The following CD300LD variants were observed in gnomAD, a reference collection of about 807,000 sequenced individuals.
CD300LD encodes CMRF35-like molecule 5.
A neutral mutation model predicts 20.3 loss-of-function variants in CD300LD; 18 were observed. The observed-to-expected ratio is 0.89, with a 90% CI of 0.61 to 1.32. CD300LD has a LOEUF of 1.32. Ranked by LOEUF, CD300LD falls within the 40% of genes most tolerant of loss-of-function variation. The pLI, the probability that CD300LD is intolerant of heterozygous loss-of-function variation, is 0.00. For synonymous variants in CD300LD, 104 were observed against 90.1 expected (o/e 1.15, Z -0.87); for missense variants, 195 against 226.6 (o/e 0.86, Z 0.90).
intron 1 of CD300LD, chr17:74,591,936 C>A: frequency 7.8e-7 from 1 of 1,287,236 alleles, no homozygotes; most frequent in Non-Finnish European, 1.1e-6. Flanking sequence ...ACCACTGTTC[C>A]AACAAGAAGC....
In CD300LD at chr17:74,588,738, C is replaced by T. The variant is rs199533935; in HGVS notation, c.152G>A (p.Trp51Ter). ...YGSGWETYLK[W>*]RCQGADWNYC... ...ATTCCAATCAGCTCCTTGACACCGC[C>T]ACTTCAAGTAGGTCTCCCAGCCTGA... The change falls in exon 2 of 4, where the codon TGG becomes TAG. Residue 51 changes from tryptophan to a stop codon, truncating the protein, a stop_gained. Coordinates refer to ENST00000375352, the MANE Select transcript of CD300LD (RefSeq NM_001115152.2). LOFTEE classifies it high-confidence loss of function. The T allele has an allele frequency of 1.4e-5, 23 of 1,614,196 alleles. No homozygotes were observed. The East Asian group carries it at 4.7e-4, about 33-fold the overall frequency.
chr17:74,580,997 G>C (rs1220729522), intron 3 of CD300LD, among the ~76,000 whole-genome samples: 1 of 151,908 alleles, frequency 6.6e-6, no homozygotes. Context: ...GAGGGTATTT[G>C]GGGGAGATGG....
Position 74,588,683 on chromosome 17 carries a change from T to C in CD300LD, c.207A>G (p.Gly69=). ...NYCNILVKTN[G]SEQEVKKNRV... ...GATTCTTCTTTACCTCCTGCTCTGATCCATTTGTTTTAACAAGGATGTTAC... is the reference window on the plus strand; with the variant it reads ...GATTCTTCTTTACCTCCTGCTCTGACCCATTTGTTTTAACAAGGATGTTAC... Residue 69 remains glycine, a synonymous_variant, in exon 2 of 4, where the codon GGA becomes GGG. Coordinates refer to ENST00000375352, the MANE Select transcript of CD300LD (RefSeq NM_001115152.2). 6.2e-7 allele frequency: 1 copy of C among 1,614,216 alleles called. No homozygotes were observed. Among genetic ancestry groups the C allele is most frequent in the Non-Finnish European group, 8.5e-7 (1 of 1,180,040 alleles).
intron 2 of CD300LD, among the ~76,000 whole-genome samples, chr17:74,583,628 C>A (rs1459406116): frequency 6.6e-6 from 1 of 152,134 alleles, no homozygotes; most frequent in Non-Finnish European, 1.5e-5. Context: ...TAAATGGAAT[C>A]ATACAGTGTA....
At position 74,592,249 on chromosome 17, in the gene CD300LD, C is replaced by T. The variant is rs141433413; in HGVS notation, c.-47G>A. On this transcript the variant is annotated 5_prime_UTR_variant, in exon 1 of 4. Transcript: ENST00000375352. ...CTTGGTGATCACAGGTGTCTGGTGCCCTTCAGGGACTTGAATCCAAGCTCG... is the reference window on the plus strand; with the variant it reads ...CTTGGTGATCACAGGTGTCTGGTGCTCTTCAGGGACTTGAATCCAAGCTCG... 1.2e-6 allele frequency: 2 copies of T among 1,613,952 alleles called. No individual in the cohort carries two copies. Among genetic ancestry groups the T allele is most frequent in the Non-Finnish European group, 1.7e-6 (2 of 1,179,984 alleles).
intron 1 of CD300LD, among the ~76,000 whole-genome samples, chr17:74,589,127 AG>A (rs2030245818): frequency 6.6e-6 from 1 of 152,206 alleles, no homozygotes; most frequent in Admixed American, 6.5e-5. Context: ...CCCTATGGCC[AG>A]CAAATCTTTA....
At chr17:74,591,435 T>G (rs923819486) in intron 1 of CD300LD, among the ~76,000 whole-genome samples, 3 of 152,136 alleles carry the variant, frequency 2.0e-5, no homozygotes, top group African/African-American at 7.2e-5. Context: ...TTTGTTGACA[T>G]GACAGCCAAA....
intron 1 of CD300LD, among the ~76,000 whole-genome samples, chr17:74,591,711 G>GA (rs1164236632): frequency 1.3e-5 from 2 of 149,688 alleles, no homozygotes; most frequent in African/African-American, 4.9e-5. Flanking sequence ...ATGCAGCCAT[G>GA]AAAAAGAATG....
chr17:74,580,439 C>T lies in CD300LD; in HGVS notation c.474-326G>A, dbSNP rs544548431. 7.2e-5 allele frequency among the ~76,000 whole-genome samples: 11 copies of T among 152,368 alleles called. No individual in the cohort carries two copies. The East Asian group carries it at 2.1e-3, about 29-fold the overall frequency. On this transcript the variant is annotated intron_variant, in intron 3 of 3. Transcript: ENST00000375352. ...CTGTCTCTACTTACCTCGGCTTCTG[C>T]TGCATTCTGCACCCAGAGGGCCTCT...
intron 1 of CD300LD, 135 bp downstream of exon 1, chr17:74,592,028 T>C: frequency 6.3e-7 from 1 of 1,578,200 alleles, no homozygotes; most frequent in Non-Finnish European, 8.6e-7. Flanking sequence ...TGATTGCTAT[T>C]TAATGAATAT....
rs2030036830 is a variant in CD300LD, at chr17:74,581,534, C to T, written c.473+684G>A. On this transcript the variant is annotated intron_variant, in intron 3 of 3. Coordinates refer to ENST00000375352, the MANE Select transcript of CD300LD (RefSeq NM_001115152.2). ...CAGACTAATCCTCCAGACCCCTCTGCCAGCTTGGGAGGGTGAGAACGCCAA... is the reference window on the plus strand; with the variant it reads ...CAGACTAATCCTCCAGACCCCTCTGTCAGCTTGGGAGGGTGAGAACGCCAA... Among the ~76,000 whole-genome samples the T allele has an allele frequency of 2.6e-5, 4 of 152,364 alleles. 1 individual carries two copies. The South Asian group carries it at 8.3e-4, about 32-fold the overall frequency.
At chr17:74,590,262 T>C (rs2030275657) in intron 1 of CD300LD, among the ~76,000 whole-genome samples, 1 of 152,158 alleles carries the variant, frequency 6.6e-6, no homozygotes, top group East Asian at 1.9e-4. Context: ...TCCACCATGA[T>C]TGTGAGGCCT....
rs150997282 is a variant in CD300LD at position 74,581,725 on chromosome 17, C to T, written c.473+493G>A. 7.2e-3 allele frequency among the ~76,000 whole-genome samples: 1,101 copies of T among 152,306 alleles called. 11 individuals are homozygous for T. Among genetic ancestry groups the T allele is most frequent in the African/African-American group, 0.025 (1,044 of 41,576 alleles). Reference sequence around the variant, plus strand: ...CCAAACCTCGATATGCCCTCTTGACCCCAGGAGGTGGGGAGGGCATGTTCA... The same window carrying T: ...CCAAACCTCGATATGCCCTCTTGACTCCAGGAGGTGGGGAGGGCATGTTCA... On this transcript the variant is annotated intron_variant, in intron 3 of 3. Coordinates refer to ENST00000375352, the MANE Select transcript of CD300LD (RefSeq NM_001115152.2).
chr17:74,590,001 A>G (rs1471625892), intron 1 of CD300LD, among the ~76,000 whole-genome samples: 1 of 152,014 alleles, frequency 6.6e-6, no homozygotes, highest in Non-Finnish European at 1.5e-5. Flanking sequence ...GGGCAAATTA[A>G]CCTCTCTGTG....
intron 3 of CD300LD, among the ~76,000 whole-genome samples, chr17:74,581,378 C>T (rs1386208829): frequency 3.3e-5 from 5 of 152,238 alleles, no homozygotes; most frequent in South Asian, 4.2e-4. Flanking sequence ...AGGAGCAGGA[C>T]GGTCTGTGGT....
In CD300LD at chr17:74,582,206, G is replaced by A. The variant is rs1384436219; in HGVS notation, c.473+12C>T. ...GGCCTGTGCGAAAGTGGTGGGACCTGGCTCCACCTACCTGGTGAGGGGGCT... is the reference window on the plus strand; with the variant it reads ...GGCCTGTGCGAAAGTGGTGGGACCTAGCTCCACCTACCTGGTGAGGGGGCT... On this transcript the variant is annotated intron_variant, in intron 3 of 3. Coordinates refer to ENST00000375352, the MANE Select transcript of CD300LD (RefSeq NM_001115152.2). 4 of 1,612,838 alleles carry A rather than the reference G, an allele frequency of 2.5e-6. No homozygotes were observed. The highest frequency in any genetic ancestry group is 1.7e-5 in the Admixed American group (1 of 59,986).
At chr17:74,586,029 G>A (rs2030150299) in intron 2 of CD300LD, among the ~76,000 whole-genome samples, 2 of 152,202 alleles carry the variant, frequency 1.3e-5, no homozygotes, top group African/African-American at 4.8e-5. Flanking sequence ...TACATATCAT[G>A]TAAGGGTGGC....
At position 74,579,992 on chromosome 17, in the gene CD300LD, T is replaced by G; in HGVS notation, c.*10A>C. The stretch of plus-strand genomic sequence containing the variant: ...TTGGGACTCTCATCATCGGGCTGAC[T>G]CCTCCTCCTTCAAGACCTTCTTTGT... On this transcript the variant is annotated 3_prime_UTR_variant, in exon 4 of 4. Coordinates refer to ENST00000375352, the MANE Select transcript of CD300LD (RefSeq NM_001115152.2). The G allele has an allele frequency of 6.3e-7, 1 of 1,584,434 alleles. No individual in the cohort carries two copies. Among genetic ancestry groups the G allele is most frequent in the Non-Finnish European group, 8.7e-7 (1 of 1,155,692 alleles).
intron 2 of CD300LD, among the ~76,000 whole-genome samples, chr17:74,587,722 C>G (rs1324693509): frequency 6.6e-6 from 1 of 152,030 alleles, no homozygotes; most frequent in Non-Finnish European, 1.5e-5. Flanking sequence ...AAAGAAGTTC[C>G]AAGAAGGCAC....
Sources: allele counts gnomAD v4.1 joint callset (sites outside exome capture counted in the v4.1 genomes callset), GRCh38; gene constraint gnomAD v4.1.1; transcripts MANE v1.5; gene names NCBI Gene and HGNC (gene_info 2026-07-23, HGNC 2026-07-21).